The following CRLF2 variants were observed in gnomAD, a reference collection of about 807,000 sequenced individuals.
The protein encoded by CRLF2 is cytokine receptor like factor 2.
In CRLF2, 41 loss-of-function variants were observed where a neutral mutation model predicts 38.7. That is an observed-to-expected ratio of 1.06 (90% CI 0.83 to 1.37). The LOEUF is 1.37. CRLF2 is among the 40% of genes most tolerant of loss of function. CRLF2 has a pLI of 0.00. For missense variants in CRLF2, 377 were observed against 322.2 expected (o/e 1.17, Z -1.30); for synonymous variants, 140 against 128.8 (o/e 1.09, Z -0.59).
intron 2 of CRLF2, 142 bp from the exon 3 acceptor site, chrX:1,206,741 C>A (rs2086697907): frequency 4.2e-6 from 3 of 721,564 alleles, no homozygotes. Flanking sequence ...CTCCCGGGTT[C>A]AAGCAATTCT....
intron 1 of CRLF2, among the ~76,000 whole-genome samples, chrX:1,209,344 T>G (rs867792238): frequency 9.3e-5 from 10 of 107,374 alleles, no homozygotes; most frequent in East Asian, 5.4e-4. Context: ...GTGTAGTGTA[T>G]TGTGTGAGAC....
chrX:1,191,273 TTC>T (rs1251390837), intron 7 of CRLF2, 113 bp from the exon 8 acceptor site: 19 of 396,308 alleles, frequency 4.8e-5, no homozygotes, highest in Non-Finnish European at 8.4e-5. Context: ...TTCTCTTTCT[TTC>T]TCTCTCTTTC....
At chrX:1,195,869 T>G (rs2086464961) in intron 6 of CRLF2, among the ~76,000 whole-genome samples, 1 of 140,878 alleles carries the variant, frequency 7.1e-6, no homozygotes, top group East Asian at 2.0e-4. Flanking sequence ...TAGATTAAAT[T>G]AAATATATAT....
intron 5 of CRLF2, 37 bp from the exon 6 acceptor site, chrX:1,196,937 C>G: frequency 6.2e-7 from 1 of 1,605,828 alleles, no homozygotes; most frequent in South Asian, 1.1e-5. Flanking sequence ...CAGTTTTCAA[C>G]ATGACGTGCG....
intron 5 of CRLF2, among the ~76,000 whole-genome samples, chrX:1,198,176 C>T (rs1263581553): frequency 7.4e-6 from 1 of 134,680 alleles, no homozygotes; most frequent in East Asian, 2.3e-4. Flanking sequence ...CACCCTCCCT[C>T]CCACCTCCCA....
At chrX:1,201,626 TAGAG>T (rs1376677209) in intron 4 of CRLF2, among the ~76,000 whole-genome samples, 4 of 145,780 alleles carry the variant, frequency 2.7e-5, no homozygotes, top group Admixed American at 1.4e-4. Context: ...AGACAGATGA[TAGAG>T]AGATAAATAG....
intron 1 of CRLF2, among the ~76,000 whole-genome samples, chrX:1,210,268 T>C (rs1362141695): frequency 1.3e-5 from 2 of 152,108 alleles, no homozygotes; most frequent in Non-Finnish European, 2.9e-5. Context: ...GGAAATATTT[T>C]AGAATTGAGC....
intron 3 of CRLF2, among the ~76,000 whole-genome samples, chrX:1,204,527 C>G (rs1242245775): frequency 6.6e-6 from 1 of 151,626 alleles, no homozygotes; most frequent in Non-Finnish European, 1.5e-5. Context: ...CGCCCTGGGC[C>G]TTATTTATTT....
rs753955705 is a variant in CRLF2 at position 1,206,381 on chromosome X, T to C, written c.349+52A>G. ...GCTTGGTTTTCAGTCCTTGTGGTAA[T>C]AAGCTGAAGGAAGTACTGAAAAGCA... On this transcript the variant is annotated intron_variant, in intron 3 of 7. Transcript: ENST00000400841. 11 of 1,524,186 alleles carry C rather than the reference T, an allele frequency of 7.2e-6. No homozygotes were observed. In the Admixed American group the frequency reaches 8.4e-5, roughly 12 times the overall value. The allele number at this position is 1,524,186 out of a possible 1,614,324, so 94.4% of individuals were successfully genotyped here. A position where few individuals can be genotyped will look rare whatever the true frequency, so the allele number is the denominator to read the frequency against.
At chrX:1,194,829 C>T (rs1435227838) in intron 6 of CRLF2, among the ~76,000 whole-genome samples, 42,908 of 151,520 alleles carry the variant, frequency 0.28, 6,274 homozygotes, top group Middle Eastern at 0.47. Context: ...GTCAGGAGTT[C>T]GAGACCAGCC....
At chrX:1,206,939 C>T (rs2086700685) in intron 2 of CRLF2, among the ~76,000 whole-genome samples, 1 of 141,574 alleles carries the variant, frequency 7.1e-6, no homozygotes, top group African/African-American at 2.7e-5. Flanking sequence ...GCTACCACAC[C>T]GGCTTTTTTT....
At chrX:1,194,757 A>C (rs1211644291) in intron 6 of CRLF2, among the ~76,000 whole-genome samples, 3 of 151,798 alleles carry the variant, frequency 2.0e-5, no homozygotes, top group African/African-American at 7.3e-5. Context: ...GTTGGCCAGG[A>C]GTGGTGGCTC....
intron 3 of CRLF2, among the ~76,000 whole-genome samples, chrX:1,205,907 T>C (rs1414876068): frequency 6.6e-6 from 1 of 151,928 alleles, no homozygotes; most frequent in African/African-American, 2.4e-5. Flanking sequence ...TTTCAATAGT[T>C]ATGGTAATCA....
rs369256719 is a variant in CRLF2, at chrX:1,212,418, G to GAAAAAA, written c.79+132_79+137dup. On this transcript the variant is annotated intron_variant, in intron 1 of 7. Transcript: ENST00000400841. ...GAGGCAGGAGAATTGCTTGAACCCGGAAAAAAAAAAAAAAAAAAAAGAAAA... is the reference window on the plus strand; with the variant it reads ...GAGGCAGGAGAATTGCTTGAACCCGGAAAAAAAAAAAAAAAAAAAAAAAAAAGAAAA... 7.9e-4 allele frequency: 339 copies of GAAAAAA among 430,250 alleles called. 5 individuals are homozygous for GAAAAAA. The highest frequency in any genetic ancestry group is 1.9e-3 in the East Asian group (53 of 27,946). The allele number at this position is 430,250 out of a possible 1,614,324, so 26.7% of individuals were successfully genotyped here.
rs2086376410 is a variant in CRLF2 at position 1,191,356 on chromosome X, TCTTTC to T, written c.853-201_853-197del. Among the ~76,000 whole-genome samples the T allele has an allele frequency of 3.0e-4, 38 of 125,346 alleles. 1 individual carries two copies. The highest frequency in any genetic ancestry group is 8.9e-4 in the South Asian group (3 of 3,376). 82.2% of individuals were successfully genotyped at this position (125,346 alleles called of 152,430 possible). A position where few individuals can be genotyped will look rare whatever the true frequency, so the allele number is the denominator to read the frequency against. On this transcript the variant is annotated intron_variant, in intron 7 of 7. Coordinates refer to ENST00000400841, the MANE Select transcript of CRLF2 (RefSeq NM_022148.4). ...TTCTTTCTTTCTTTCCTTCTTTCTTTCTTTCCTTTCTTTCTCTTTCTTTCTTTCTC... is the reference window on the plus strand; with the variant it reads ...TTCTTTCTTTCTTTCCTTCTTTCTTTCTTTCTTTCTCTTTCTTTCTTTCTC...
chrX:1,202,652 T>G (rs1372570881), intron 3 of CRLF2, 117 bp from the exon 4 acceptor site: 31 of 1,194,560 alleles, frequency 2.6e-5, no homozygotes, highest in Non-Finnish European at 3.7e-5. Context: ...TTATGGTGTC[T>G]CGGGGTTCAC....
In CRLF2 at chrX:1,193,198, C is replaced by A. The variant is rs2086423689; in HGVS notation, c.852+20G>T. 1 of 398,484 alleles carries A rather than the reference C, an allele frequency of 2.5e-6. No homozygotes were observed. The highest frequency in any genetic ancestry group is 4.4e-6 in the Non-Finnish European group (1 of 226,128). The allele number at this position is 398,484 out of a possible 1,614,324, so 24.7% of individuals were successfully genotyped here. ...CCTGCTTGGTGGAGAGGAGAAGAGA[C>A]ACAAGGAGAGGGCGGATACCTGGAA... On this transcript the variant is annotated intron_variant, in intron 7 of 7. Transcript: ENST00000400841.
intron 2 of CRLF2, among the ~76,000 whole-genome samples, 187 bp downstream of exon 2, chrX:1,208,619 G>A (rs770293317): frequency 1.3e-5 from 2 of 152,176 alleles, no homozygotes; most frequent in African/African-American, 2.4e-5. Context: ...GCCATCCCTT[G>A]GCAAGAAGGT....
chrX:1,198,239 A>C (rs1467194991), intron 5 of CRLF2, among the ~76,000 whole-genome samples: 1 of 91,232 alleles, frequency 1.1e-5, no homozygotes, highest in African/African-American at 4.7e-5. Context: ...CCTCCCTCCC[A>C]CCTCCCAGGA....
Sources: gnomAD v4.1 joint callset for allele counts (sites outside exome capture counted in the v4.1 genomes callset) on GRCh38, gnomAD v4.1.1 for gene constraint, MANE v1.5 for transcripts, NCBI Gene and HGNC (gene_info 2026-07-23, HGNC 2026-07-21) for gene names.